The following THRAP3 variants were observed in gnomAD, a reference collection of about 807,000 sequenced individuals.
The protein encoded by THRAP3 is thyroid hormone receptor-associated protein 3.
THRAP3 carries 16 observed loss-of-function variants against 101.0 expected under a neutral mutation model. The observed-to-expected ratio is 0.16, with a 90% CI of 0.11 to 0.24. The LOEUF (loss-of-function observed/expected upper bound fraction) is 0.24. THRAP3 is among the 10% of genes least tolerant of loss of function. THRAP3 has a pLI of 1.00. For missense variants in THRAP3, 989 were observed against 1,202.7 expected, an observed-to-expected ratio of 0.82 and a Z score of 2.63; for synonymous variants, 407 against 422.6, an observed-to-expected ratio of 0.96 and a Z score of 0.45.
intron 1 of THRAP3, among the ~76,000 whole-genome samples, chr1:36,236,123 G>A (rs1328913699): frequency 6.6e-6 from 1 of 151,472 alleles, no homozygotes; most frequent in Non-Finnish European, 1.5e-5. Context: ...ATTGTGGCAG[G>A]TGCCTGTAGT....
Position 36,303,845 on chromosome 1 carries a change from G to A in THRAP3, c.2696G>A (p.Arg899Gln), listed in dbSNP as rs1388407404. Residue 899 changes from arginine to glutamine, a missense_variant, in exon 12 of 12, where the codon CGG (arginine) becomes CAG (glutamine). Transcript: ENST00000354618. ...AGTGACAAGTGGGTGAGCCGGGGCC[G>A]GGGCCGAGGAGCCTTTCCTCGGGGT... The part of the protein sequence containing the change: ...EGSDKWVSRG[R>Q]GRGAFPRGRG... 8.1e-6 allele frequency: 13 copies of A among 1,614,006 alleles called. No homozygotes were observed. The highest frequency in any genetic ancestry group is 3.3e-5 in the Admixed American group (2 of 59,982).
intron 1 of THRAP3, among the ~76,000 whole-genome samples, chr1:36,247,919 G>A (rs1025676923): frequency 1.7e-5 from 2 of 117,412 alleles, no homozygotes; most frequent in South Asian, 3.0e-4. Flanking sequence ...CTGTCACCCC[G>A]CCCAGGCTGG....
At chr1:36,245,290 C>T (rs992179553) in intron 1 of THRAP3, among the ~76,000 whole-genome samples, 1 of 151,886 alleles carries the variant, frequency 6.6e-6, no homozygotes, top group East Asian at 1.9e-4. Flanking sequence ...CCTCAACCTC[C>T]TGAGTAACTG....
At chr1:36,241,571 G>A (rs1285203708) in intron 1 of THRAP3, among the ~76,000 whole-genome samples, 2 of 149,136 alleles carry the variant, frequency 1.3e-5, no homozygotes, top group Non-Finnish European at 1.5e-5. Context: ...TTTAAGATCC[G>A]CTAAAATTTT....
Position 36,305,244 on chromosome 1 carries a change from A to C in THRAP3, c.*1227A>C. The C allele has an allele frequency of 4.7e-6, 1 of 211,872 alleles. No individual in the cohort carries two copies. Among genetic ancestry groups the C allele is most frequent in the South Asian group, 1.9e-4 (1 of 5,330 alleles). The allele number at this position is 211,872 out of a possible 1,614,324, so 13.1% of individuals were successfully genotyped here. A position where few individuals can be genotyped will look rare whatever the true frequency, so the allele number is the denominator to read the frequency against. ...TTTCCCCTTACTTTGCTACATTTCT[A>C]TAGTTAAGTTGGTTTTACTTGAATG... is the stretch of plus-strand genomic sequence containing the variant. On this transcript the variant is annotated 3_prime_UTR_variant, in exon 12 of 12. Transcript: ENST00000354618.
At chr1:36,299,156 G>A (rs1485160790) in intron 9 of THRAP3, among the ~76,000 whole-genome samples, 2 of 151,660 alleles carry the variant, frequency 1.3e-5, no homozygotes, top group Non-Finnish European at 2.9e-5. Flanking sequence ...AAGAGACAAT[G>A]CTGGCCGGAT....
the THRAP3 span, among the ~76,000 whole-genome samples, chr1:36,212,481 C>T: frequency 9.4e-5 from 13 of 138,920 alleles, no homozygotes; most frequent in Admixed American, 7.0e-4. Flanking sequence ...AGTGCAGTGG[C>T]GCGATCTCGG....
intron 8 of THRAP3, among the ~76,000 whole-genome samples, chr1:36,295,179 C>T (rs1345363515): frequency 1.3e-5 from 2 of 150,620 alleles, no homozygotes; most frequent in Non-Finnish European, 2.9e-5. Context: ...GCCAAGATCC[C>T]GCCATTGTAC....
At chr1:36,293,028 C>CTTTTTTTTTTTGTTTTTTTTTTTTTT (rs1645896990) in intron 7 of THRAP3, among the ~76,000 whole-genome samples, 2 of 82,796 alleles carry the variant, frequency 2.4e-5, no homozygotes, top group Non-Finnish European at 4.5e-5. Flanking sequence ...CTTTTCTTGT[C>CTTTTTTTTTTTGTTTTTTTTTTTTTT]TTTTTTTTTT....
At chr1:36,270,968 T>A (rs1466868057) in intron 2 of THRAP3, among the ~76,000 whole-genome samples, 1 of 150,120 alleles carries the variant, frequency 6.7e-6, no homozygotes, top group East Asian at 1.9e-4. Flanking sequence ...AATGTTAACT[T>A]TTTTTTTAGA....
intron 2 of THRAP3, among the ~76,000 whole-genome samples, chr1:36,262,661 A>T (rs1028959198): frequency 1.3e-5 from 2 of 152,176 alleles, no homozygotes; most frequent in Non-Finnish European, 2.9e-5. Context: ...TCCCATTCTC[A>T]GTTTCTTCAA....
rs752815345 is a variant in THRAP3, at chr1:36,289,040, T to C, written c.1041-20T>C. ...TGTTAAGAAGCCTCTTGTGTCTCTC[T>C]CTTGTGTTTTTATAAATAGGTATCT... On this transcript the variant is annotated intron_variant, in intron 4 of 11. Coordinates refer to ENST00000354618, the MANE Select transcript of THRAP3 (RefSeq NM_005119.4). 14 of 1,546,814 alleles carry C rather than the reference T, an allele frequency of 9.1e-6. No individual in the cohort carries two copies. In the Admixed American group the frequency reaches 3.0e-4, roughly 33 times the overall value.
At chr1:36,282,187 G>A (rs1451506906) in intron 2 of THRAP3, among the ~76,000 whole-genome samples, 1 of 151,678 alleles carries the variant, frequency 6.6e-6, no homozygotes, top group Non-Finnish European at 1.5e-5. Context: ...TGGCCTCCCA[G>A]TGCACTGGGA....
Position 36,301,663 on chromosome 1 carries a change from A to G in THRAP3, c.2613A>G (p.Pro871=). 6.2e-7 allele frequency: 1 copy of G among 1,614,202 alleles called. No homozygotes were observed. Reference sequence around the variant, plus strand: ...GAAACCGGGAAGAGGAGTGGGACCCAGAGTACACACCCAAAAGCAAGAAGT... The same window carrying G: ...GAAACCGGGAAGAGGAGTGGGACCCGGAGTACACACCCAAAAGCAAGAAGT... ...QKRNREEEWD[P]EYTPKSKKYY... is the part of the protein sequence containing the mutation. The change falls in exon 11 of 12, where the codon CCA becomes CCG. Residue 871 remains proline (P), a synonymous_variant. Coordinates refer to ENST00000354618, the MANE Select transcript of THRAP3 (RefSeq NM_005119.4).
chr1:36,224,454 G>C lies in THRAP3; in HGVS notation c.-186G>C, dbSNP rs1222876775. ...GCGCTGTGGGGCGGGGGCGAGGTTC[G>C]GGCTGGTTGTTCCGTTGCGAGCTGC... On this transcript the variant is annotated 5_prime_UTR_variant, in exon 1 of 12. Transcript: ENST00000354618. 1 of 153,184 alleles carries C rather than the reference G, an allele frequency of 6.5e-6. No homozygotes were observed. The allele number at this position is 153,184 out of a possible 1,614,324, so 9.5% of individuals were successfully genotyped here. A position where few individuals can be genotyped will look rare whatever the true frequency, so the allele number is the denominator to read the frequency against.
intron 5 of THRAP3, among the ~76,000 whole-genome samples, chr1:36,290,431 C>T (rs968752292): frequency 2.6e-5 from 4 of 151,886 alleles, no homozygotes; most frequent in Non-Finnish European, 4.4e-5. Flanking sequence ...CCTCGTGATC[C>T]GCCCACCTTG....
intron 1 of THRAP3, among the ~76,000 whole-genome samples, chr1:36,252,938 A>ATATATATATG (rs1340170022): frequency 2.1e-5 from 2 of 94,818 alleles, no homozygotes; most frequent in African/African-American, 9.3e-5. Context: ...ATATATATAT[A>ATATATATATG]TATATATATA....
intron 4 of THRAP3, 198 bp downstream of exon 4, chr1:36,287,468 G>T (rs571428752): frequency 2.0e-6 from 2 of 985,372 alleles, no homozygotes; most frequent in East Asian, 1.1e-4. Context: ...TCCTGAATTT[G>T]TATTGCAGCA....
upstream of THRAP3, among the ~76,000 whole-genome samples, chr1:36,222,265 A>T (rs1339228498): frequency 1.3e-5 from 2 of 152,192 alleles, no homozygotes; most frequent in Admixed American, 6.5e-5. Flanking sequence ...TAGTGCACAC[A>T]ATAGACTACA....
Sources: gnomAD v4.1 joint callset for allele counts (sites outside exome capture counted in the v4.1 genomes callset) on GRCh38, gnomAD v4.1.1 for gene constraint, MANE v1.5 for transcripts, NCBI Gene and HGNC (gene_info 2026-07-23, HGNC 2026-07-21) for gene names.